The following ADAMTSL3 variants were observed in gnomAD, a reference collection of about 807,000 sequenced individuals.
ADAMTSL3 encodes ADAMTS like 3, also known as ADAMTS-like protein 3.
Under a neutral mutation model 201.7 loss-of-function variants are expected in ADAMTSL3, and 128 were observed. That is an observed-to-expected ratio of 0.63 (90% CI 0.55 to 0.73). The LOEUF (loss-of-function observed/expected upper bound fraction) is 0.73. ADAMTSL3 is among the 30% of genes least tolerant of loss of function. ADAMTSL3 has a pLI of 0.00. For synonymous variants in ADAMTSL3, 738 were observed against 748.4 expected (o/e 0.99, Z 0.23); for missense variants, 1,990 against 2,119.6 (o/e 0.94, Z 1.20).
chr15:83,970,620 A>G lies in ADAMTSL3; in HGVS notation c.2627A>G (p.Gln876Arg). The G allele has an allele frequency of 6.2e-7, 1 of 1,614,210 alleles. No individual in the cohort carries two copies. The highest frequency in any genetic ancestry group is 8.5e-7 in the Non-Finnish European group (1 of 1,180,022). ...GGGCTCCCTCTTGTAAGATCTTGCC[A>G]GATGCCTGAGTGCAGTAGTAAGTAT... ...LPGLPLVRSCQMPECSKIKSE... is the reference protein window; with the variant it reads ...LPGLPLVRSCRMPECSKIKSE... The change falls in exon 20 of 30, where the codon CAG becomes CGG. Residue 876 changes from glutamine to arginine, a missense_variant. Gln to Arg is a conservative substitution (Grantham distance 43). Transcript: ENST00000286744.
intron 5 of ADAMTSL3, 106 bp from the exon 6 acceptor site, chr15:83,819,705 G>C: frequency 1.2e-6 from 1 of 824,062 alleles, no homozygotes; most frequent in Non-Finnish European, 2.0e-6. Flanking sequence ...CTCCCAGAGA[G>C]AGGCAAGTGA....
intron 17 of ADAMTSL3, among the ~76,000 whole-genome samples, chr15:83,938,913 C>G (rs1368238158): frequency 6.6e-6 from 1 of 152,098 alleles, no homozygotes; most frequent in Admixed American, 6.5e-5. Context: ...GCTCTATTCT[C>G]CAGCCCTCTC....
chr15:83,751,380 G>A (rs138657809), intron 3 of ADAMTSL3, among the ~76,000 whole-genome samples: 1 of 152,176 alleles, frequency 6.6e-6, no homozygotes. Flanking sequence ...CAAATTAATA[G>A]TGACCTGGAA....
intron 2 of ADAMTSL3, among the ~76,000 whole-genome samples, chr15:83,691,006 C>T (rs1567075025): frequency 6.6e-6 from 1 of 152,224 alleles, no homozygotes; most frequent in East Asian, 1.9e-4. Context: ...ATTCTTTTAT[C>T]GTGAGGTTAT....
At chr15:83,994,504 T>A (rs962358060) in intron 23 of ADAMTSL3, among the ~76,000 whole-genome samples, 5 of 152,012 alleles carry the variant, frequency 3.3e-5, no homozygotes, top group African/African-American at 1.2e-4. Flanking sequence ...CTTAAAAATA[T>A]CTACTTTAAA....
In ADAMTSL3 at chr15:84,038,209, A is replaced by C. The variant is rs1165497585; in HGVS notation, c.*403A>C. On this transcript the variant is annotated 3_prime_UTR_variant, in exon 30 of 30. Coordinates refer to ENST00000286744, the MANE Select transcript of ADAMTSL3 (RefSeq NM_207517.3). ...CAACCCATGACTTCCTCTTCTCTCA[A>C]GTTGCAGGTTTTCAACAGTTTTATA... 6.1e-6 allele frequency: 1 copy of C among 164,472 alleles called. No homozygotes were observed. Among genetic ancestry groups the C allele is most frequent in the Non-Finnish European group, 1.3e-5 (1 of 76,416 alleles). 10.2% of individuals were successfully genotyped at this position (164,472 alleles called of 1,614,324 possible).
intron 5 of ADAMTSL3, among the ~76,000 whole-genome samples, chr15:83,813,587 G>A (rs369938970): frequency 1.1e-4 from 17 of 152,238 alleles, no homozygotes; most frequent in African/African-American, 4.1e-4. Flanking sequence ...TCCAGGCCAC[G>A]AGGACCACAC....
intron 23 of ADAMTSL3, among the ~76,000 whole-genome samples, chr15:84,003,582 T>C (rs1255282607): frequency 6.6e-6 from 1 of 152,214 alleles, no homozygotes; most frequent in African/African-American, 2.4e-5. Flanking sequence ...GTCCGGAGTT[T>C]CCCAAACCTG....
chr15:83,950,119 G>A (rs1010279933), intron 19 of ADAMTSL3, among the ~76,000 whole-genome samples: 2 of 151,994 alleles, frequency 1.3e-5, no homozygotes, highest in African/African-American at 4.8e-5. Flanking sequence ...ACGTTTTCTT[G>A]TAGCAGTTTC....
At chr15:84,009,956 T>C (rs935076709) in intron 23 of ADAMTSL3, among the ~76,000 whole-genome samples, 1 of 152,250 alleles carries the variant, frequency 6.6e-6, no homozygotes, top group African/African-American at 2.4e-5. Flanking sequence ...CCAATGTATC[T>C]GAGATTGTTT....
At chr15:83,871,625 C>T (rs1567203828) in intron 9 of ADAMTSL3, among the ~76,000 whole-genome samples, 1 of 152,144 alleles carries the variant, frequency 6.6e-6, no homozygotes, top group Non-Finnish European at 1.5e-5. Flanking sequence ...CACAAGATAC[C>T]TTCAGAAGAA....
intron 16 of ADAMTSL3, among the ~76,000 whole-genome samples, chr15:83,914,874 TTTTTTG>T (rs2066005319): frequency 7.9e-5 from 12 of 151,780 alleles, no homozygotes; most frequent in African/African-American, 7.3e-5. Flanking sequence ...TGTTTGTTTG[TTTTTTG>T]TTTTTTGTGG....
intron 6 of ADAMTSL3, among the ~76,000 whole-genome samples, chr15:83,821,473 G>T (rs1379132862): frequency 6.6e-5 from 10 of 151,666 alleles, no homozygotes. Context: ...TCAAGCATCT[G>T]TTTAACAAAG....
At chr15:84,008,611 A>T (rs1482920506) in intron 23 of ADAMTSL3, among the ~76,000 whole-genome samples, 1 of 151,978 alleles carries the variant, frequency 6.6e-6, no homozygotes, top group Admixed American at 6.6e-5. Flanking sequence ...TCTTCTCTAT[A>T]TATACTCTCT....
intron 7 of ADAMTSL3, among the ~76,000 whole-genome samples, chr15:83,838,519 A>G (rs1338237366): frequency 6.6e-6 from 1 of 152,206 alleles, no homozygotes; most frequent in Non-Finnish European, 1.5e-5. Context: ...TCTTCCTTTG[A>G]CTGCTAACAA....
At chr15:83,821,988 C>T (rs566834553) in intron 6 of ADAMTSL3, among the ~76,000 whole-genome samples, 61 of 141,768 alleles carry the variant, frequency 4.3e-4, no homozygotes, top group African/African-American at 1.4e-3. Flanking sequence ...GGCTGCTGGC[C>T]GGGCGGGTTG....
Position 83,944,118 on chromosome 15 carries a change from G to A in ADAMTSL3, c.2490+1036G>A, listed in dbSNP as rs146298747. ...TCATGCAAACTAAAACTTACAAATT[G>A]TTTATTTCTGGAATGTTCTATTTAA... On this transcript the variant is annotated intron_variant, in intron 19 of 29. Transcript: ENST00000286744. 5.7e-3 allele frequency among the ~76,000 whole-genome samples: 871 copies of A among 152,212 alleles called. 12 individuals are homozygous for A. The highest frequency in any genetic ancestry group is 0.02 in the African/African-American group (839 of 41,530).
chr15:83,728,424 C>G (rs2062214115), intron 3 of ADAMTSL3, among the ~76,000 whole-genome samples: 1 of 150,612 alleles, frequency 6.6e-6, no homozygotes, highest in South Asian at 2.1e-4. Context: ...TCCTCGTTCC[C>G]CCCGCCCCCT....
chr15:83,692,685 C>CAAAAAAAA (rs766382952), intron 2 of ADAMTSL3, among the ~76,000 whole-genome samples: 2 of 43,314 alleles, frequency 4.6e-5, no homozygotes, highest in Admixed American at 2.5e-4. Flanking sequence ...GACTCCATCT[C>CAAAAAAAA]AAAAAAAAAA....
Sources: allele counts gnomAD v4.1 joint callset (sites outside exome capture counted in the v4.1 genomes callset), GRCh38; gene constraint gnomAD v4.1.1; transcripts MANE v1.5; gene names NCBI Gene and HGNC (gene_info 2026-07-23, HGNC 2026-07-21).